Variants in KCNS3 observed in about 807,000 individuals in gnomAD.
KCNS3 encodes the protein potassium voltage-gated channel modifier subfamily S member 3, also known as delayed-rectifier potassium channel regulatory subunit KCNS3.
KCNS3 carries 13 observed loss-of-function variants against 31.0 expected under a neutral mutation model. The observed-to-expected ratio is 0.42, with a 90% confidence interval of 0.27 to 0.67. KCNS3 has a LOEUF of 0.67. Among genes scored for constraint, KCNS3 ranks in the 30% least tolerant of loss-of-function variants. The pLI is 0.25. For synonymous variants in KCNS3, 238 were observed against 241.5 expected (o/e 0.99, Z 0.13); for missense variants, 545 against 622.4 (o/e 0.88, Z 1.32).
intron 1 of KCNS3, among the ~76,000 whole-genome samples, chr2:17,888,641 A>ATATATC (rs1558446987): frequency 4.1e-5 from 3 of 73,274 alleles, no homozygotes; most frequent in Non-Finnish European, 6.2e-5. Context: ...ATATATATAT[A>ATATATC]TATATATATA....
chr2:17,907,964 C>T, intron 1 of KCNS3, among the ~76,000 whole-genome samples: 1 of 152,146 alleles, frequency 6.6e-6, no homozygotes, highest in Non-Finnish European at 1.5e-5. Context: ...CGAGGAGTAT[C>T]TTTGTGGCAT....
chr2:17,885,658 G>T (rs1213071926), intron 1 of KCNS3, among the ~76,000 whole-genome samples: 1 of 152,124 alleles, frequency 6.6e-6, no homozygotes, highest in Admixed American at 6.5e-5. Flanking sequence ...GGGGGTCCAG[G>T]CTTTTTGTTC....
intron 1 of KCNS3, among the ~76,000 whole-genome samples, chr2:17,898,999 C>T (rs1028807645): frequency 3.9e-5 from 6 of 152,016 alleles, no homozygotes; most frequent in East Asian, 3.9e-4. Flanking sequence ...AGTCTGAGGC[C>T]GGTGGATCAC....
intron 1 of KCNS3, among the ~76,000 whole-genome samples, chr2:17,884,640 A>G: frequency 6.6e-6 from 1 of 152,080 alleles, no homozygotes; most frequent in East Asian, 1.9e-4. Context: ...GGGAGCAGAG[A>G]GACAGGATGG....
chr2:17,904,488 C>T (rs1035756413), intron 1 of KCNS3, among the ~76,000 whole-genome samples: 1 of 151,968 alleles, frequency 6.6e-6, no homozygotes, highest in Non-Finnish European at 1.5e-5. Context: ...TCAATTTTGG[C>T]TTTTGTTGCC....
At chr2:17,889,399 G>A (rs867994990) in intron 1 of KCNS3, among the ~76,000 whole-genome samples, 5 of 152,090 alleles carry the variant, frequency 3.3e-5, no homozygotes, top group African/African-American at 1.2e-4. Context: ...TTCTTTCTTA[G>A]CAATTTGGAT....
chr2:17,883,394 G>T (rs1336969559), intron 1 of KCNS3, among the ~76,000 whole-genome samples: 2 of 113,422 alleles, frequency 1.8e-5, no homozygotes, highest in African/African-American at 6.7e-5. Context: ...ACGGTGGGGG[G>T]TTGGGGTGGG....
At chr2:17,915,837 G>T (rs1040589211) in intron 1 of KCNS3, among the ~76,000 whole-genome samples, 6 of 152,152 alleles carry the variant, frequency 3.9e-5, no homozygotes, top group African/African-American at 1.4e-4. Flanking sequence ...TGAAAATCCA[G>T]TTTTTTTGGA....
rs749427338 is a variant in KCNS3 at position 17,931,543 on chromosome 2, G to T, written c.535G>T (p.Ala179Ser). 6.2e-7 allele frequency: 1 copy of T among 1,614,086 alleles called. No individual in the cohort carries two copies. The highest frequency in any genetic ancestry group is 1.1e-5 in the South Asian group (1 of 91,086). Residue 179 changes from alanine (A) to serine (S), a missense_variant, in exon 3 of 3, where the codon GCG (alanine) becomes TCG (serine). Physicochemically the swap from Ala to Ser is moderately conservative, Grantham distance 99. Transcript: ENST00000304101. The surrounding 1 kb of genome is among the most constrained non-coding windows in gnomAD (Gnocchi z 5.4). ...AATCTGGATTAGAATGGAGAATCCAGCGTACTGCCTGTCCGCTAAGCTTAT... is the reference window on the plus strand; with the variant it reads ...AATCTGGATTAGAATGGAGAATCCATCGTACTGCCTGTCCGCTAAGCTTAT... ...KKIWIRMENP[A>S]YCLSAKLIAI...
At chr2:17,898,155 CTG>C (rs1160835382) in intron 1 of KCNS3, among the ~76,000 whole-genome samples, 2 of 151,208 alleles carry the variant, frequency 1.3e-5, no homozygotes, top group Admixed American at 6.6e-5. Flanking sequence ...TTCCATTGGT[CTG>C]TGTGTCTGTT....
At chr2:17,909,361 C>T (rs1662417728) in intron 1 of KCNS3, among the ~76,000 whole-genome samples, 1 of 152,156 alleles carries the variant, frequency 6.6e-6, no homozygotes, top group Non-Finnish European at 1.5e-5. Flanking sequence ...TCTGTCACCC[C>T]TTACCTTAGC....
At chr2:17,925,516 TCA>T (rs1662817621) in intron 2 of KCNS3, among the ~76,000 whole-genome samples, 1 of 152,156 alleles carries the variant, frequency 6.6e-6, no homozygotes, top group South Asian at 2.1e-4. Context: ...TTTAATTGAC[TCA>T]CAGTTCCGCA....
intron 1 of KCNS3, among the ~76,000 whole-genome samples, chr2:17,882,053 G>T (rs1025749969): frequency 6.6e-6 from 1 of 152,080 alleles, no homozygotes; most frequent in Non-Finnish European, 1.5e-5. Flanking sequence ...GTACTCCGAC[G>T]CAAATTTGTC....
chr2:17,907,443 C>T (rs1004992020), intron 1 of KCNS3, among the ~76,000 whole-genome samples: 1 of 152,182 alleles, frequency 6.6e-6, no homozygotes, highest in Admixed American at 6.5e-5. Flanking sequence ...TTAATTGGAA[C>T]ATTTAGCCCA....
chr2:17,905,789 T>C (rs988940775), intron 1 of KCNS3, among the ~76,000 whole-genome samples: 22 of 152,332 alleles, frequency 1.4e-4, no homozygotes, highest in East Asian at 3.9e-4. Context: ...GTTGAACCAG[T>C]CTTGCATCCC....
chr2:17,902,304 T>A (rs960910393), intron 1 of KCNS3, among the ~76,000 whole-genome samples: 1 of 151,766 alleles, frequency 6.6e-6, no homozygotes, highest in Non-Finnish European at 1.5e-5. Context: ...CAAGAAGCTG[T>A]GTTACAGAGA....
intron 2 of KCNS3, among the ~76,000 whole-genome samples, chr2:17,922,300 G>A (rs1178802362): frequency 6.6e-6 from 1 of 151,648 alleles, no homozygotes; most frequent in Non-Finnish European, 1.5e-5. Flanking sequence ...ATTTTATTAT[G>A]AGATTTGAGT....
chr2:17,921,404 T>C (rs1407800261), intron 2 of KCNS3, among the ~76,000 whole-genome samples: 1 of 152,146 alleles, frequency 6.6e-6, no homozygotes, highest in Non-Finnish European at 1.5e-5. Flanking sequence ...TTCCAAAAGA[T>C]AAGGGTTTTC....
chr2:17,888,017 G>A lies in KCNS3; in HGVS notation c.-252+9211G>A, dbSNP rs1388476589. ...ATGTCCTTAGCCCACTTTTTGATGGGATTTTTTGTTTTTTTTGTGCTGATT... is the reference window on the plus strand; with the variant it reads ...ATGTCCTTAGCCCACTTTTTGATGGAATTTTTTGTTTTTTTTGTGCTGATT... On this transcript the variant is annotated intron_variant, in intron 1 of 2. Transcript: ENST00000304101. 4.0e-5 allele frequency among the ~76,000 whole-genome samples: 6 copies of A among 150,300 alleles called. No individual in the cohort carries two copies. In the South Asian group the frequency reaches 1.3e-3, roughly 31 times the overall value.
Sources: allele counts gnomAD v4.1 joint callset (sites outside exome capture counted in the v4.1 genomes callset), GRCh38; gene constraint gnomAD v4.1.1; non-coding constraint Gnocchi (gnomAD v3.1); transcripts MANE v1.5; gene names NCBI Gene and HGNC (gene_info 2026-07-23, HGNC 2026-07-21).